The following SLC2A7 variants were observed in gnomAD, a reference collection of about 807,000 sequenced individuals.
SLC2A7 encodes solute carrier family 2, facilitated glucose transporter member 7.
SLC2A7 carries 50 observed loss-of-function variants against 50.5 expected under a neutral mutation model. The observed-to-expected ratio is 0.99, with a 90% confidence interval of 0.79 to 1.25. The LOEUF (loss-of-function observed/expected upper bound fraction) is 1.25. SLC2A7 is among the 50% of genes most tolerant of loss of function. The probability of loss-of-function intolerance (pLI) is 0.00; values close to 1 mark genes in which losing one functional copy is unlikely to be tolerated. For missense variants in SLC2A7, 683 were observed against 679.1 expected (o/e 1.01, Z -0.06); for synonymous variants, 308 against 300.4 (o/e 1.03, Z -0.26).
downstream of SLC2A7, among the ~76,000 whole-genome samples, chr1:9,002,854 C>T (rs1466564174): frequency 6.6e-6 from 1 of 152,236 alleles, no homozygotes; most frequent in Non-Finnish European, 1.5e-5. Flanking sequence ...CTGGGATTCA[C>T]GGTGCAACCT....
intron 4 of SLC2A7, 120 bp from the exon 5 acceptor site, chr1:9,018,495 G>A: frequency 2.2e-6 from 3 of 1,390,414 alleles, no homozygotes; most frequent in Non-Finnish European, 1.9e-6. Context: ...CCGTGGAGAT[G>A]GAGCTCGGCC....
At chr1:9,014,544 T>G (rs1640796672) in intron 7 of SLC2A7, 137 bp downstream of exon 7, 22 of 1,041,838 alleles carry the variant, frequency 2.1e-5, no homozygotes, top group Non-Finnish European at 3.0e-5. Context: ...TGAGGTTTCT[T>G]CCTGACATCT....
rs939325625 is a variant in SLC2A7 at position 9,007,348 on chromosome 1, C to G, written c.1154G>C (p.Cys385Ser). ...VPELSYLGII[C>S]VFAYIAGHSI... ...ATGTCCCGCGATGTAGGCAAAGACACAGATGATGCCGAGGTAGGACAGCTC... is the reference window on the plus strand; with the variant it reads ...ATGTCCCGCGATGTAGGCAAAGACAGAGATGATGCCGAGGTAGGACAGCTC... Residue 385 changes from cysteine (C) to serine (S), a missense_variant, in exon 10 of 12, where the codon TGT (cysteine) becomes TCT (serine). Physicochemically the swap from Cys to Ser is moderately radical, Grantham distance 112. Coordinates refer to ENST00000400906, the MANE Select transcript of SLC2A7 (RefSeq NM_207420.3). The G allele has an allele frequency of 6.2e-7, 1 of 1,614,120 alleles. No individual in the cohort carries two copies. The highest frequency in any genetic ancestry group is 1.1e-5 in the South Asian group (1 of 91,094).
intron 3 of SLC2A7, among the ~76,000 whole-genome samples, chr1:9,022,506 T>C (rs1195830810): frequency 1.3e-5 from 2 of 152,106 alleles, no homozygotes; most frequent in Admixed American, 1.3e-4. Flanking sequence ...CCAGCCTCAG[T>C]AACAAACTCT....
At chr1:8,999,023 C>T, downstream of SLC2A7, among the ~76,000 whole-genome samples, 1 of 152,072 alleles carries the variant, frequency 6.6e-6, no homozygotes, top group East Asian at 1.9e-4. Flanking sequence ...GTATTATGTC[C>T]TCTTTAAATG....
Position 9,018,336 on chromosome 1 carries a change from A to G in SLC2A7, c.476T>C (p.Leu159Pro), listed in dbSNP as rs1192550603. 6.8e-6 allele frequency: 11 copies of G among 1,613,844 alleles called. No homozygotes were observed. Among genetic ancestry groups the G allele is most frequent in the Non-Finnish European group, 9.3e-6 (11 of 1,180,038 alleles). Residue 159 changes from leucine to proline, a missense_variant, in exon 5 of 12, where the codon CTG becomes CCG. By Grantham distance (98) the Leu-to-Pro change is moderately conservative. Coordinates refer to ENST00000400906, the MANE Select transcript of SLC2A7 (RefSeq NM_207420.3). ...YSALPMYLGE[L>P]APKNLRGMVG... ...CATGCCTCTCAGGTTCTTGGGGGCC[A>G]GTTCTCCCAGGTACATGGGAAGGGC...
chr1:9,012,537 C>A (rs896725446), intron 8 of SLC2A7, among the ~76,000 whole-genome samples: 3 of 152,180 alleles, frequency 2.0e-5, no homozygotes, highest in Non-Finnish European at 2.9e-5. Context: ...TCCCTCCCTG[C>A]CCTTCTAAAC....
chr1:9,026,305 G>A lies in SLC2A7; in HGVS notation c.41C>T (p.Ser14Phe), dbSNP rs1230895384. ...KEAGTPPPIP[S>F]REGRLQPTLL... ...AGTCTTGGCACTTACCCCCTCCCTG[G>A]ATGGAATGGGTGGAGGGGTTCCCGC... Residue 14 changes from serine (S) to phenylalanine (F), a missense_variant, in exon 1 of 12, where the codon TCC (serine) becomes TTC (phenylalanine). By Grantham distance (155) the Ser-to-Phe change is radical. Coordinates refer to ENST00000400906, the MANE Select transcript of SLC2A7 (RefSeq NM_207420.3). 6.2e-7 allele frequency: 1 copy of A among 1,609,646 alleles called. No homozygotes were observed. The highest frequency in any genetic ancestry group is 2.2e-5 in the East Asian group (1 of 44,830).
In SLC2A7 at chr1:9,010,637, C is replaced by T. The variant is rs12073193; in HGVS notation, c.1015-393G>A. Among the ~76,000 whole-genome samples the T allele has an allele frequency of 4.5e-3, 690 of 152,258 alleles. 3 individuals carry two copies. The highest frequency in any genetic ancestry group is 0.015 in the African/African-American group (627 of 41,556). ...CCTCCCAAAGTGCTGGGATTACAGG[C>T]GTGAGCCACCGTGCGTCACCTTTTA... is the stretch of plus-strand genomic sequence containing the variant. On this transcript the variant is annotated intron_variant, in intron 8 of 11. Coordinates refer to ENST00000400906, the MANE Select transcript of SLC2A7 (RefSeq NM_207420.3).
At chr1:9,022,267 A>G (rs994042176) in intron 3 of SLC2A7, among the ~76,000 whole-genome samples, 1 of 152,214 alleles carries the variant, frequency 6.6e-6, no homozygotes, top group Non-Finnish European at 1.5e-5. Flanking sequence ...ACCTAAGGGA[A>G]TGCCACCAGG....
At chr1:8,993,330 G>A in the SLC2A7 span, among the ~76,000 whole-genome samples, 1 of 152,310 alleles carries the variant, frequency 6.6e-6, no homozygotes, top group African/African-American at 2.4e-5. Context: ...GATGTGGGTG[G>A]GGACACAGCC....
chr1:9,011,010 C>A (rs772027923), intron 8 of SLC2A7, among the ~76,000 whole-genome samples: 3 of 152,236 alleles, frequency 2.0e-5, no homozygotes, highest in African/African-American at 7.2e-5. Flanking sequence ...AGCTTTCACA[C>A]GCAAGGCCAG....
chr1:9,004,736 AG>A lies in SLC2A7; in HGVS notation c.1320+15del, dbSNP rs1349477374. On this transcript the variant is annotated intron_variant, in intron 11 of 11. Coordinates refer to ENST00000400906, the MANE Select transcript of SLC2A7 (RefSeq NM_207420.3). Reference sequence around the variant, plus strand: ...GAGGCCCGGTGGAGCGGGTTGGGGAAGGGGCCCTCACTCACCTGGATGGATG... The same window carrying A: ...GAGGCCCGGTGGAGCGGGTTGGGGAAGGGCCCTCACTCACCTGGATGGATG... The A allele has an allele frequency of 1.9e-6, 3 of 1,613,246 alleles. No individual in the cohort carries two copies. The highest frequency in any genetic ancestry group is 2.5e-6 in the Non-Finnish European group (3 of 1,179,472).
At chr1:8,993,353 G>T in the SLC2A7 span, among the ~76,000 whole-genome samples, 1 of 152,190 alleles carries the variant, frequency 6.6e-6, no homozygotes, top group East Asian at 1.9e-4. Context: ...AACATATCAG[G>T]GGAGAAAGGT....
intron 5 of SLC2A7, among the ~76,000 whole-genome samples, chr1:9,017,324 C>T (rs1415475373): frequency 6.6e-6 from 1 of 151,984 alleles, no homozygotes; most frequent in Admixed American, 6.6e-5. Flanking sequence ...TGCCTCAAAA[C>T]AACAACAACA....
the SLC2A7 span, among the ~76,000 whole-genome samples, chr1:8,993,625 A>G: frequency 1.3e-5 from 2 of 152,064 alleles, no homozygotes; most frequent in Non-Finnish European, 2.9e-5. Context: ...CTATAAAAAC[A>G]TGACTTTATT....
chr1:8,998,184 A>G (rs1279499826), downstream of SLC2A7, among the ~76,000 whole-genome samples: 1 of 152,292 alleles, frequency 6.6e-6, no homozygotes, highest in Non-Finnish European at 1.5e-5. Context: ...TAGGTGGATC[A>G]CTTGAGGTCA....
At chr1:9,004,671 C>T in intron 11 of SLC2A7, 81 bp downstream of exon 11, 1 of 1,542,808 alleles carries the variant, frequency 6.5e-7, no homozygotes, top group Non-Finnish European at 8.9e-7. Flanking sequence ...GCTGGATTCA[C>T]AGATGTGCTT....
At position 9,003,335 on chromosome 1, in the gene SLC2A7, G is replaced by T. The variant is rs749674594; in HGVS notation, c.1504C>A (p.Pro502Thr). The T allele has an allele frequency of 6.2e-7, 1 of 1,614,210 alleles. No individual in the cohort carries two copies. The highest frequency in any genetic ancestry group is 1.7e-5 in the Admixed American group (1 of 60,020). Residue 502 changes from proline to threonine, a missense_variant, in exon 12 of 12, where the codon CCC (proline) becomes ACC (threonine). Physicochemically the swap from Pro to Thr is conservative, Grantham distance 38. Transcript: ENST00000400906. ...GTTTCCTTGGCAGGAGAGGCTGTGG[G>T]AGGCCCAGCATCAATGGTTTCTTCT... is the stretch of plus-strand genomic sequence containing the variant. The part of the protein sequence containing the change: ...EKEETIDAGP[P>T]TASPAKETSF
Sources: allele counts gnomAD v4.1 joint callset (sites outside exome capture counted in the v4.1 genomes callset), GRCh38; gene constraint gnomAD v4.1.1; transcripts MANE v1.5; gene names NCBI Gene and HGNC (gene_info 2026-07-23, HGNC 2026-07-21).